STUM: variants seen among roughly 807,000 people sequenced by gnomAD.
STUM encodes stum, mechanosensory transduction mediator homolog.
In STUM, 8 loss-of-function variants were observed where a neutral mutation model predicts 15.3. The ratio of observed to expected loss-of-function variants is 0.52; its 90% CI spans 0.31 to 0.94. STUM has a LOEUF of 0.94. Among genes scored for constraint, STUM ranks in the 40% least tolerant of loss-of-function variants. The pLI, the probability that STUM is intolerant of heterozygous loss-of-function variation, is 0.05. For missense variants in STUM, 142 were observed against 204.9 expected (o/e 0.69, Z 1.87); for synonymous variants, 78 against 88.7 (o/e 0.88, Z 0.68).
At chr1:226,585,218 A>G (rs1667978024) in intron 1 of STUM, among the ~76,000 whole-genome samples, 1 of 152,226 alleles carries the variant, frequency 6.6e-6, no homozygotes, top group South Asian at 2.1e-4. Flanking sequence ...CCACAAGTCA[A>G]CGTGAGAGCA....
chr1:226,563,937 C>A (rs1393432550), intron 1 of STUM, among the ~76,000 whole-genome samples: 2 of 152,202 alleles, frequency 1.3e-5, no homozygotes, highest in African/African-American at 4.8e-5. Flanking sequence ...AGGCTCAAGG[C>A]AGAAAGGGTG....
At chr1:226,582,814 C>T (rs1232505802) in intron 1 of STUM, among the ~76,000 whole-genome samples, 2 of 152,182 alleles carry the variant, frequency 1.3e-5, no homozygotes, top group African/African-American at 4.8e-5. Context: ...GACCTCAGGC[C>T]TCTCCCTCTC....
At chr1:226,554,183 A>T (rs1667414620) in intron 1 of STUM, among the ~76,000 whole-genome samples, 1 of 152,238 alleles carries the variant, frequency 6.6e-6, no homozygotes, top group African/African-American at 2.4e-5. Context: ...CTCTCTCCTG[A>T]AAATGGCAGG....
At chr1:226,575,844 C>T (rs1286864417) in intron 1 of STUM, among the ~76,000 whole-genome samples, 1 of 152,212 alleles carries the variant, frequency 6.6e-6, no homozygotes, top group African/African-American at 2.4e-5. Context: ...GCCTTCTTTC[C>T]CTAATAGGAA....
chr1:226,569,422 A>T (rs1667671610), intron 1 of STUM, among the ~76,000 whole-genome samples: 1 of 152,046 alleles, frequency 6.6e-6, no homozygotes, highest in African/African-American at 2.4e-5. Flanking sequence ...GTGAGTCTTC[A>T]CTCAGCTCCG....
At chr1:226,576,648 T>C (rs1169289508) in intron 1 of STUM, among the ~76,000 whole-genome samples, 1 of 152,222 alleles carries the variant, frequency 6.6e-6, no homozygotes, top group Non-Finnish European at 1.5e-5. Flanking sequence ...TTCACAATGC[T>C]GTGCAACCAT....
At chr1:226,585,050 A>G (rs956082902) in intron 1 of STUM, among the ~76,000 whole-genome samples, 1 of 152,210 alleles carries the variant, frequency 6.6e-6, no homozygotes, top group Non-Finnish European at 1.5e-5. Flanking sequence ...GCACTTGCCC[A>G]TCTTGCTGTG....
intron 1 of STUM, among the ~76,000 whole-genome samples, chr1:226,568,504 C>G (rs1308043482): frequency 6.6e-6 from 1 of 152,320 alleles, no homozygotes; most frequent in East Asian, 1.9e-4. Context: ...CTGCCTGCAG[C>G]GCAGCTCCAG....
intron 1 of STUM, among the ~76,000 whole-genome samples, chr1:226,582,509 C>T (rs1667935585): frequency 6.6e-6 from 1 of 151,754 alleles, no homozygotes; most frequent in African/African-American, 2.4e-5. Context: ...GCAGGAGAAT[C>T]ACTTGAACCT....
chr1:226,585,848 A>T (rs1296703530), intron 1 of STUM, among the ~76,000 whole-genome samples: 1 of 152,266 alleles, frequency 6.6e-6, no homozygotes, highest in Non-Finnish European at 1.5e-5. Flanking sequence ...TGCTATAACA[A>T]GAATACCATA....
intron 2 of STUM, among the ~76,000 whole-genome samples, chr1:226,597,225 T>G (rs1668197795): frequency 6.6e-6 from 1 of 152,244 alleles, no homozygotes; most frequent in Admixed American, 6.5e-5. Flanking sequence ...CATCATTTAA[T>G]GCAAACTTGA....
intron 1 of STUM, among the ~76,000 whole-genome samples, chr1:226,555,406 G>A (rs1216175393): frequency 3.9e-5 from 6 of 152,144 alleles, no homozygotes; most frequent in Admixed American, 3.9e-4. Flanking sequence ...CCAAACTCCT[G>A]GTCTTCTTCC....
At chr1:226,598,788 T>A (rs115585380) in intron 2 of STUM, among the ~76,000 whole-genome samples, 4,926 of 152,308 alleles carry the variant, frequency 0.032, 106 homozygotes, top group Non-Finnish European at 0.05. Flanking sequence ...CGTCAGCCCC[T>A]TGGTTGTCTG....
At chr1:226,589,369 G>A (rs1363053100) in intron 1 of STUM, among the ~76,000 whole-genome samples, 1 of 152,164 alleles carries the variant, frequency 6.6e-6, no homozygotes, top group African/African-American at 2.4e-5. Context: ...CAGAGGACAA[G>A]CCCAGAGAAT....
chr1:226,594,578 G>A (rs551946249), intron 1 of STUM, among the ~76,000 whole-genome samples: 1 of 152,314 alleles, frequency 6.6e-6, no homozygotes, highest in East Asian at 1.9e-4. Context: ...TTGTGACCTT[G>A]GACAAGATGC....
chr1:226,585,310 T>A (rs1251748596), intron 1 of STUM, among the ~76,000 whole-genome samples: 1 of 152,204 alleles, frequency 6.6e-6, no homozygotes, highest in Non-Finnish European at 1.5e-5. Flanking sequence ...CAGCACTGCC[T>A]CCTCAGAGGA....
chr1:226,598,741 C>T (rs1233901471), intron 2 of STUM, among the ~76,000 whole-genome samples: 1 of 152,220 alleles, frequency 6.6e-6, no homozygotes, highest in Non-Finnish European at 1.5e-5. Flanking sequence ...GAAGCTGCAG[C>T]CCCTACCTTT....
Position 226,578,334 on chromosome 1 carries a change from C to T in STUM, c.203-18468C>T, listed in dbSNP as rs1459206488. Among the ~76,000 whole-genome samples, 5 of 150,698 alleles carry T rather than the reference C, an allele frequency of 3.3e-5. No homozygotes were observed. The East Asian group carries it at 5.8e-4, about 18-fold the overall frequency. Reference sequence around the variant, plus strand: ...CAAGTGATCATCCTGCATTTAGTCCCCCACACCACCGCCCCAACCCCCAGC... The same window carrying T: ...CAAGTGATCATCCTGCATTTAGTCCTCCACACCACCGCCCCAACCCCCAGC... On this transcript the variant is annotated intron_variant, in intron 1 of 3. Transcript: ENST00000366788.
At chr1:226,595,844 C>T (rs929310226) in intron 1 of STUM, among the ~76,000 whole-genome samples, 1 of 152,220 alleles carries the variant, frequency 6.6e-6, no homozygotes, top group African/African-American at 2.4e-5. Context: ...CCCCTGGAGC[C>T]TCCAGAAGGA....
Sources: allele counts gnomAD v4.1 joint callset (sites outside exome capture counted in the v4.1 genomes callset), GRCh38; gene constraint gnomAD v4.1.1; transcripts MANE v1.5; gene names NCBI Gene and HGNC (gene_info 2026-07-23, HGNC 2026-07-21).